CDK7: variants seen among roughly 807,000 people sequenced by gnomAD.
The protein encoded by CDK7 is cyclin-dependent kinase 7.
Under a neutral mutation model 49.1 loss-of-function variants are expected in CDK7, and 25 were observed. The observed-to-expected ratio is 0.51, with a 90% CI of 0.37 to 0.71. CDK7 has a LOEUF of 0.71. CDK7 is among the 30% of genes least tolerant of loss of function. The pLI, the probability that CDK7 is intolerant of heterozygous loss-of-function variation, is 0.00. For missense variants in CDK7, 316 were observed against 411.7 expected (o/e 0.77, Z 2.01); for synonymous variants, 107 against 140.0 (o/e 0.76, Z 1.67).
chr5:69,237,136 A>G (rs1749053617), intron 2 of CDK7, among the ~76,000 whole-genome samples: 1 of 151,834 alleles, frequency 6.6e-6, no homozygotes, highest in African/African-American at 2.4e-5. Context: ...TCTGTCGCCC[A>G]GGTGGAAGGG....
At chr5:69,259,551 A>G (rs1750688553) in intron 6 of CDK7, among the ~76,000 whole-genome samples, 1 of 152,172 alleles carries the variant, frequency 6.6e-6, no homozygotes, top group East Asian at 1.9e-4. Context: ...ACTAGACTAC[A>G]GAAAATATCA....
intron 2 of CDK7, among the ~76,000 whole-genome samples, chr5:69,244,238 G>C (rs533285051): frequency 2.0e-5 from 3 of 152,190 alleles, no homozygotes; most frequent in Admixed American, 6.5e-5. Flanking sequence ...TTCTTTTTCA[G>C]ATTGTTCACT....
chr5:69,245,583 G>A (rs1251279893), intron 2 of CDK7, among the ~76,000 whole-genome samples: 2 of 151,684 alleles, frequency 1.3e-5, no homozygotes, highest in Non-Finnish European at 2.9e-5. Flanking sequence ...TCAAGTGATC[G>A]GCCTGCCTCA....
intron 8 of CDK7, among the ~76,000 whole-genome samples, chr5:69,267,379 A>G (rs1751234994): frequency 7.0e-6 from 1 of 142,264 alleles, no homozygotes; most frequent in African/African-American, 2.6e-5. Flanking sequence ...GCTCATTGCA[A>G]CCTCTGCCTC....
intron 9 of CDK7, among the ~76,000 whole-genome samples, chr5:69,271,513 CTTT>C (rs56035306): frequency 8.2e-4 from 110 of 134,320 alleles, no homozygotes; most frequent in South Asian, 1.2e-3. Flanking sequence ...ATTTTTTTTT[CTTT>C]TTTTTTTTTT....
At chr5:69,265,987 C>T (rs1751132009) in intron 8 of CDK7, among the ~76,000 whole-genome samples, 1 of 151,918 alleles carries the variant, frequency 6.6e-6, no homozygotes, top group South Asian at 2.1e-4. Context: ...GCTTGGGAGG[C>T]TGAAGTGGGA....
chr5:69,267,257 C>T (rs1323147972), intron 8 of CDK7, among the ~76,000 whole-genome samples: 1 of 147,886 alleles, frequency 6.8e-6, no homozygotes, highest in Non-Finnish European at 1.5e-5. Context: ...GTAATTTTAT[C>T]CATGTTTCTT....
Position 69,262,200 on chromosome 5 carries a change from T to A in CDK7, c.528-5T>A. On this transcript the variant is annotated splice_polypyrimidine_tract_variant and splice_region_variant and intron_variant, in intron 7 of 11. Transcript: ENST00000256443. ...AAAATGATACTAATTCTTTTTGTTC[T>A]TTAGGTGGTATCGGGCCCCCGAGTT... is the stretch of plus-strand genomic sequence containing the variant. 1 of 1,613,394 alleles carries A rather than the reference T, an allele frequency of 6.2e-7. No individual in the cohort carries two copies. The highest frequency in any genetic ancestry group is 2.2e-5 in the East Asian group (1 of 44,890).
intron 9 of CDK7, among the ~76,000 whole-genome samples, chr5:69,271,712 A>G (rs1182499921): frequency 6.6e-6 from 1 of 151,698 alleles, no homozygotes; most frequent in Non-Finnish European, 1.5e-5. Context: ...GGGTTTCTGC[A>G]TGTTTCCCAG....
chr5:69,255,463 C>A lies in CDK7; in HGVS notation c.232C>A (p.Leu78Ile). 6.4e-7 allele frequency: 1 copy of A among 1,556,220 alleles called. No homozygotes were observed. The highest frequency in any genetic ancestry group is 1.2e-5 in the South Asian group (1 of 83,488). ...TTTTAATTTTTTAACTTTGCAGCTC[C>A]TTGATGCTTTTGGACATAAATCTAA... Reference protein sequence around the residue: ...ELSHPNIIGLLDAFGHKSNIS... With the variant: ...ELSHPNIIGLIDAFGHKSNIS... Residue 78 changes from leucine to isoleucine, a missense_variant, in exon 5 of 12, where the codon CTT (leucine) becomes ATT (isoleucine). Physicochemically the swap from Leu to Ile is conservative, Grantham distance 5 (BLOSUM62 2). Coordinates refer to ENST00000256443, the MANE Select transcript of CDK7 (RefSeq NM_001799.4).
At chr5:69,235,154 T>A in intron 1 of CDK7, 113 bp downstream of exon 1, 1 of 1,058,562 alleles carries the variant, frequency 9.4e-7, no homozygotes, top group African/African-American at 1.6e-5. Context: ...CTCGTTCTCG[T>A]TGGGGGAAAC....
At chr5:69,252,219 G>A (rs1750186961) in intron 2 of CDK7, among the ~76,000 whole-genome samples, 199 bp from the exon 3 acceptor site, 1 of 151,944 alleles carries the variant, frequency 6.6e-6, no homozygotes, top group Non-Finnish European at 1.5e-5. Flanking sequence ...ACAAGGGTAG[G>A]TATTTGATTC....
At position 69,254,500 on chromosome 5, in the gene CDK7, C is replaced by G. The variant is rs1177817026; in HGVS notation, c.161-102C>G. 5 of 591,546 alleles carry G rather than the reference C, an allele frequency of 8.5e-6. No homozygotes were observed. The South Asian group carries it at 1.0e-4, about 12-fold the overall frequency. The allele number at this position is 591,546 out of a possible 1,614,324, so 36.6% of individuals were successfully genotyped here. A position where few individuals can be genotyped will look rare whatever the true frequency, so the allele number is the denominator to read the frequency against. On this transcript the variant is annotated intron_variant, in intron 3 of 11. Coordinates refer to ENST00000256443, the MANE Select transcript of CDK7 (RefSeq NM_001799.4). ...TCACGCCACTACACTCTAGCCTGGG[C>G]GACAGAGCGAGACTCCATCTCAAAA... is the stretch of plus-strand genomic sequence containing the variant.
chr5:69,277,356 C>A lies in CDK7; in HGVS notation c.*221C>A. On this transcript the variant is annotated 3_prime_UTR_variant, in exon 12 of 12. Transcript: ENST00000256443. ...GTGCAAAAGTGAGAAAAGTTCAATA[C>A]TCTTGAAATGTAGAATTGAAAATGC... is the stretch of plus-strand genomic sequence containing the variant. 2.5e-6 allele frequency: 1 copy of A among 402,040 alleles called. No individual in the cohort carries two copies. The highest frequency in any genetic ancestry group is 4.5e-6 in the Non-Finnish European group (1 of 222,710). The allele number at this position is 402,040 out of a possible 1,614,324, so 24.9% of individuals were successfully genotyped here.
intron 2 of CDK7, among the ~76,000 whole-genome samples, chr5:69,246,395 A>G (rs1345035828): frequency 6.6e-6 from 1 of 152,098 alleles, no homozygotes; most frequent in Non-Finnish European, 1.5e-5. Context: ...TCCGCCTTCC[A>G]AAGTCCTGGG....
intron 7 of CDK7, among the ~76,000 whole-genome samples, chr5:69,261,526 A>ATG (rs35466335): frequency 0.32 from 37,227 of 117,040 alleles, 4,643 homozygotes; most frequent in East Asian, 0.43. Flanking sequence ...GTGTGTGTGT[A>ATG]TGTGTGTGTG....
At chr5:69,252,362 T>C in intron 2 of CDK7, 56 bp from the exon 3 acceptor site, 1 of 1,056,854 alleles carries the variant, frequency 9.5e-7, no homozygotes, top group Admixed American at 2.2e-5. Flanking sequence ...TATTCATTGA[T>C]TCTAAATAAT....
At chr5:69,252,360 G>T (rs769639320) in intron 2 of CDK7, 58 bp from the exon 3 acceptor site, 7 of 1,032,032 alleles carry the variant, frequency 6.8e-6, no homozygotes, top group South Asian at 1.4e-5. Context: ...ATTATTCATT[G>T]ATTCTAAATA....
chr5:69,276,794 C>G (rs1752193193), intron 11 of CDK7, 104 bp downstream of exon 11: 2 of 970,572 alleles, frequency 2.1e-6, no homozygotes, highest in South Asian at 1.6e-5. Flanking sequence ...AGCTTGCTAG[C>G]TATTTAATTT....
Sources: gnomAD v4.1 joint callset for allele counts (sites outside exome capture counted in the v4.1 genomes callset) on GRCh38, gnomAD v4.1.1 for gene constraint, MANE v1.5 for transcripts, NCBI Gene and HGNC (gene_info 2026-07-23, HGNC 2026-07-21) for gene names.